Variants in ENPP1 observed in about 807,000 individuals in gnomAD.
ENPP1 encodes the protein ectonucleotide pyrophosphatase/phosphodiesterase 1, also known as ectonucleotide pyrophosphatase/phosphodiesterase family member 1.
A neutral mutation model predicts 122.8 loss-of-function variants in ENPP1; 73 were observed. That is an observed-to-expected ratio of 0.59 (90% CI 0.49 to 0.72). The LOEUF (loss-of-function observed/expected upper bound fraction) is 0.72. ENPP1 is among the 30% of genes least tolerant of loss of function. The pLI is 0.00. For missense variants in ENPP1, 978 were observed against 1,128.1 expected (o/e 0.87, Z 1.91); for synonymous variants, 367 against 391.6 (o/e 0.94, Z 0.74).
chr6:131,886,691 G>A lies in ENPP1; in HGVS notation c.2574G>A (p.Leu858=). ...ACCTAGACACCTTAGCTTTCATTTT[G>A]CCTCACAGGACTGATAACAGCGAGA... ...CENLDTLAFI[L]PHRTDNSESC... is the part of the protein sequence containing the mutation. The change falls in exon 24 of 25, where the codon TTG becomes TTA. Residue 858 remains leucine, a synonymous_variant. Coordinates refer to ENST00000647893, the MANE Select transcript of ENPP1 (RefSeq NM_006208.3). 6.2e-7 allele frequency: 1 copy of A among 1,613,984 alleles called. No individual in the cohort carries two copies.
chr6:131,867,931 T>C (rs556776436), intron 11 of ENPP1, 87 bp from the exon 12 acceptor site: 43 of 900,848 alleles, frequency 4.8e-5, no homozygotes, highest in African/African-American at 1.0e-4. Context: ...TTCTTTCTTT[T>C]TTTTTTTTTT....
At position 131,893,174 on chromosome 6, in the gene ENPP1, A is replaced by G. The variant is rs1408862086; in HGVS notation, c.*2663A>G. 6.6e-6 allele frequency: 1 copy of G among 152,088 alleles called. No individual in the cohort carries two copies. Among genetic ancestry groups the G allele is most frequent in the African/African-American group, 2.4e-5 (1 of 41,404 alleles). 9.4% of individuals were successfully genotyped at this position (152,088 alleles called of 1,614,324 possible). A position where few individuals can be genotyped will look rare whatever the true frequency, so the allele number is the denominator to read the frequency against. On this transcript the variant is annotated 3_prime_UTR_variant, in exon 25 of 25. Transcript: ENST00000647893. ...TTTTTACATATTTTTCCAGCACACAAACATACACAATTTAACTCAAAGCAT... is the reference window on the plus strand; with the variant it reads ...TTTTTACATATTTTTCCAGCACACAGACATACACAATTTAACTCAAAGCAT...
intron 23 of ENPP1, among the ~76,000 whole-genome samples, chr6:131,885,652 T>C (rs1219837639): frequency 3.9e-5 from 6 of 152,176 alleles, no homozygotes. Flanking sequence ...GGGAAGCAAT[T>C]TTGCTGTTAA....
intron 1 of ENPP1, among the ~76,000 whole-genome samples, chr6:131,847,220 T>C (rs1420713518): frequency 2.6e-5 from 4 of 152,202 alleles, no homozygotes; most frequent in Non-Finnish European, 4.4e-5. Flanking sequence ...CTTTAATGGA[T>C]TGATACATAG....
intron 1 of ENPP1, among the ~76,000 whole-genome samples, chr6:131,821,705 T>C (rs1476829202): frequency 1.3e-5 from 2 of 152,226 alleles, no homozygotes; most frequent in African/African-American, 4.8e-5. Context: ...TCAGATGTTT[T>C]TCCAATTCAG....
intron 1 of ENPP1, among the ~76,000 whole-genome samples, chr6:131,816,510 C>T (rs1185057461): frequency 2.6e-5 from 4 of 152,088 alleles, no homozygotes; most frequent in African/African-American, 7.2e-5. Flanking sequence ...CCCTTGTCAT[C>T]GGATAAAAAC....
chr6:131,879,864 C>T lies in ENPP1; in HGVS notation c.1946-16C>T, dbSNP rs370860444. On this transcript the variant is annotated splice_polypyrimidine_tract_variant and intron_variant, in intron 19 of 24. Coordinates refer to ENST00000647893, the MANE Select transcript of ENPP1 (RefSeq NM_006208.3). ...AATGCACACTAACTACATTTATTTT[C>T]ATCCTGTGACCCAAGAGAAGATTAT... is the stretch of plus-strand genomic sequence containing the variant. 1 of 1,610,034 alleles carries T rather than the reference C, an allele frequency of 6.2e-7. No homozygotes were observed. Among genetic ancestry groups the T allele is most frequent in the Non-Finnish European group, 8.5e-7 (1 of 1,176,514 alleles).
intron 1 of ENPP1, among the ~76,000 whole-genome samples, chr6:131,828,679 C>T (rs1241484257): frequency 6.6e-6 from 1 of 152,158 alleles, no homozygotes; most frequent in African/African-American, 2.4e-5. Flanking sequence ...GTGGGCCATC[C>T]AGGTAGAGAG....
intron 1 of ENPP1, among the ~76,000 whole-genome samples, chr6:131,823,190 A>G (rs9375826): frequency 0.35 from 53,773 of 151,956 alleles, 10,179 homozygotes; most frequent in East Asian, 0.45. Context: ...AAATACATAC[A>G]TATCTATTTG....
intron 1 of ENPP1, among the ~76,000 whole-genome samples, chr6:131,810,787 T>G (rs1195176939): frequency 6.6e-6 from 1 of 152,244 alleles, no homozygotes; most frequent in Non-Finnish European, 1.5e-5. Context: ...TACATTACTC[T>G]GCAGTTTTCT....
At chr6:131,854,887 T>A in intron 5 of ENPP1, 39 bp from the exon 6 acceptor site, 1 of 1,426,814 alleles carries the variant, frequency 7.0e-7, no homozygotes, top group Non-Finnish European at 9.9e-7. Context: ...GTCTTGTCTT[T>A]GCTTCTTTAA....
chr6:131,809,562 C>T (rs2114645031), intron 1 of ENPP1, among the ~76,000 whole-genome samples: 1 of 152,302 alleles, frequency 6.6e-6, no homozygotes, highest in South Asian at 2.1e-4. Flanking sequence ...AGAACTTAGT[C>T]TCTTGAGTCA....
At chr6:131,854,543 A>T (rs1170334925) in intron 5 of ENPP1, among the ~76,000 whole-genome samples, 1 of 152,196 alleles carries the variant, frequency 6.6e-6, no homozygotes, top group African/African-American at 2.4e-5. Context: ...TGGAAATATT[A>T]TATGCTGTTG....
Position 131,895,034 on chromosome 6 carries a change from G to C in ENPP1, c.*4523G>C, listed in dbSNP as rs900284905. ...AAATTTTATAATGACTGCAGTCCAA[G>C]GACATTTTCCCTGGTTTTTGGCCAG... On this transcript the variant is annotated 3_prime_UTR_variant, in exon 25 of 25. Transcript: ENST00000647893. 6.6e-6 allele frequency: 1 copy of C among 152,210 alleles called. No individual in the cohort carries two copies. Among genetic ancestry groups the C allele is most frequent in the African/African-American group, 2.4e-5 (1 of 41,442 alleles). 9.4% of individuals were successfully genotyped at this position (152,210 alleles called of 1,614,324 possible). A position where few individuals can be genotyped will look rare whatever the true frequency, so the allele number is the denominator to read the frequency against.
intron 1 of ENPP1, among the ~76,000 whole-genome samples, chr6:131,822,582 TAA>T (rs959387340): frequency 6.7e-6 from 1 of 149,872 alleles, no homozygotes; most frequent in Non-Finnish European, 1.5e-5. Context: ...ATATCACTTT[TAA>T]AAAAAAAAAA....
chr6:131,824,442 TTTGTTGTTGTTGTTG>T (rs140923936), intron 1 of ENPP1, among the ~76,000 whole-genome samples: 1 of 132,408 alleles, frequency 7.6e-6, no homozygotes. Flanking sequence ...CCAGGCAGGA[TTTGTTGTTGTTGTTG>T]TTGTTGTTGT....
chr6:131,886,483 AAAGCATGCTCTACTG>A lies in ENPP1; in HGVS notation c.2445-76_2445-62del. The A allele has an allele frequency of 3.7e-6, 4 of 1,082,654 alleles. No homozygotes were observed. The Admixed American group carries it at 8.1e-5, about 22-fold the overall frequency. The allele number at this position is 1,082,654 out of a possible 1,614,324, so 67.1% of individuals were successfully genotyped here. A position where few individuals can be genotyped will look rare whatever the true frequency, so the allele number is the denominator to read the frequency against. On this transcript the variant is annotated intron_variant, in intron 23 of 24. Coordinates refer to ENST00000647893, the MANE Select transcript of ENPP1 (RefSeq NM_006208.3). ...TTGAATTTGATTTTTATATGTATTA[AAAGCATGCTCTACTG>A]AAATATTCATCAAAAGGAAGATAGT...
intron 1 of ENPP1, among the ~76,000 whole-genome samples, chr6:131,834,514 T>C (rs534133017): frequency 4.0e-5 from 6 of 150,046 alleles, no homozygotes; most frequent in South Asian, 2.1e-4. Context: ...CATGTACATA[T>C]TTGAGGTAAT....
chr6:131,869,475 A>T lies in ENPP1; in HGVS notation c.1391A>T (p.Asp464Val). ...CGATTGAGACCCTCTGATGTCCCAG[A>T]TAAATACTATTCATGTAAGTATATC... Reference protein sequence around the residue: ...AARLRPSDVPDKYYSFNYEGI... With the variant: ...AARLRPSDVPVKYYSFNYEGI... Residue 464 changes from aspartate to valine, a missense_variant, in exon 13 of 25, where the codon GAT becomes GTT. By Grantham distance (152) the Asp-to-Val change is radical. This residue lies in a region of ENPP1 where 644 missense variants were observed against 781.5 expected (regional missense o/e 0.82). Coordinates refer to ENST00000647893, the MANE Select transcript of ENPP1 (RefSeq NM_006208.3). The T allele has an allele frequency of 6.2e-7, 1 of 1,613,520 alleles. No homozygotes were observed. The highest frequency in any genetic ancestry group is 8.5e-7 in the Non-Finnish European group (1 of 1,179,486).
Sources: gnomAD v4.1 joint callset for allele counts (sites outside exome capture counted in the v4.1 genomes callset) on GRCh38, gnomAD v4.1.1 for gene constraint, gnomAD v4.1.1 regional missense constraint, MANE v1.5 for transcripts, NCBI Gene and HGNC (gene_info 2026-07-23, HGNC 2026-07-21) for gene names.